Variants in TMEM108 observed in about 807,000 individuals in gnomAD.
TMEM108 encodes cancer/testis antigen 124.
TMEM108 carries 12 observed loss-of-function variants against 35.1 expected under a neutral mutation model. That is an observed-to-expected ratio of 0.34 (90% CI 0.22 to 0.55). TMEM108 has a LOEUF of 0.55. Ranked by LOEUF, TMEM108 falls within the 20% of genes least tolerant of loss-of-function variation. The pLI is 0.89. For missense variants in TMEM108, 680 were observed against 753.3 expected (o/e 0.90, Z 1.14); for synonymous variants, 287 against 308.6 (o/e 0.93, Z 0.73).
At chr3:133,156,056 A>G (rs34499063) in intron 2 of TMEM108, among the ~76,000 whole-genome samples, 1,607 of 139,694 alleles carry the variant, frequency 0.012, 7 homozygotes, top group Non-Finnish European at 0.019. Flanking sequence ...TCTTGTTTTT[A>G]TTTTTTCTTT....
intron 2 of TMEM108, among the ~76,000 whole-genome samples, chr3:133,189,592 A>G (rs943520322): frequency 6.6e-6 from 1 of 152,204 alleles, no homozygotes; most frequent in Admixed American, 6.5e-5. Context: ...TTCAGCTTGA[A>G]TAATAATGGA....
chr3:133,174,839 G>A (rs1036183379), intron 2 of TMEM108, among the ~76,000 whole-genome samples: 6 of 152,192 alleles, frequency 3.9e-5, no homozygotes, highest in African/African-American at 1.4e-4. Flanking sequence ...TGACTTTGAT[G>A]AGTTGAGAGA....
intron 3 of TMEM108, among the ~76,000 whole-genome samples, chr3:133,251,628 T>C (rs573974152): frequency 3.3e-4 from 50 of 152,120 alleles, no homozygotes; most frequent in Non-Finnish European, 6.5e-4. Flanking sequence ...AAGGTTATCA[T>C]AGAAAGGGAA....
intron 1 of TMEM108, among the ~76,000 whole-genome samples, chr3:133,044,811 G>C (rs1265776727): frequency 6.6e-6 from 1 of 152,116 alleles, no homozygotes; most frequent in Non-Finnish European, 1.5e-5. Flanking sequence ...GAAAAAATTA[G>C]CTGGGCCTGG....
intron 2 of TMEM108, among the ~76,000 whole-genome samples, chr3:133,220,639 G>T (rs894883550): frequency 6.6e-6 from 1 of 152,034 alleles, no homozygotes; most frequent in Admixed American, 6.5e-5. Context: ...CACCAAATGT[G>T]TGAGGGTATT....
intron 2 of TMEM108, among the ~76,000 whole-genome samples, chr3:133,111,900 A>G (rs537687236): frequency 7.2e-5 from 11 of 152,240 alleles, no homozygotes; most frequent in African/African-American, 2.4e-4. Context: ...AACTTTCTAT[A>G]AAGGAGATCA....
chr3:133,125,503 C>T (rs1211220609), intron 2 of TMEM108, among the ~76,000 whole-genome samples: 1 of 152,144 alleles, frequency 6.6e-6, no homozygotes, highest in Non-Finnish European at 1.5e-5. Flanking sequence ...GGTGATATAG[C>T]TATCCCCTTA....
At chr3:133,337,749 C>T (rs184608116) in intron 3 of TMEM108, among the ~76,000 whole-genome samples, 1 of 152,220 alleles carries the variant, frequency 6.6e-6, no homozygotes, top group East Asian at 1.9e-4. Context: ...AAATGTGTGA[C>T]ATTTCAGACA....
chr3:133,381,383 A>G (rs569093734), intron 4 of TMEM108, among the ~76,000 whole-genome samples: 69 of 152,306 alleles, frequency 4.5e-4, no homozygotes, highest in African/African-American at 1.6e-3. Context: ...AACTCCCAGG[A>G]GCTGGGGGAG....
At chr3:133,241,748 G>T (rs11708546) in intron 3 of TMEM108, among the ~76,000 whole-genome samples, 1 of 151,274 alleles carries the variant, frequency 6.6e-6, no homozygotes, top group Admixed American at 6.6e-5. Flanking sequence ...CCAAGTAGCT[G>T]GGATTACAGG....
At chr3:133,043,188 G>A (rs922244862) in intron 1 of TMEM108, among the ~76,000 whole-genome samples, 13 of 152,180 alleles carry the variant, frequency 8.5e-5, no homozygotes, top group African/African-American at 1.2e-4. Flanking sequence ...CTGGATAGGA[G>A]AATCTTTCAT....
chr3:133,287,692 G>A (rs892161527), intron 3 of TMEM108, among the ~76,000 whole-genome samples: 2 of 152,136 alleles, frequency 1.3e-5, no homozygotes, highest in Non-Finnish European at 2.9e-5. Flanking sequence ...AAAACAAATA[G>A]ATGTTTGCTA....
chr3:133,204,495 A>G (rs376491115), intron 2 of TMEM108, among the ~76,000 whole-genome samples: 4 of 152,022 alleles, frequency 2.6e-5, no homozygotes, highest in African/African-American at 7.2e-5. Flanking sequence ...ATTCGGGTAC[A>G]TTGTGTCTTT....
chr3:133,042,646 C>T (rs1943288901), intron 1 of TMEM108, among the ~76,000 whole-genome samples: 1 of 152,180 alleles, frequency 6.6e-6, no homozygotes, highest in African/African-American at 2.4e-5. Context: ...AGTGGTTGTG[C>T]ATTACCTTAG....
intron 5 of TMEM108, among the ~76,000 whole-genome samples, chr3:133,392,483 T>G (rs961589069): frequency 5.3e-5 from 8 of 152,152 alleles, no homozygotes; most frequent in African/African-American, 1.9e-4. Flanking sequence ...TCTTTCTACT[T>G]AGTCCCATGA....
chr3:133,241,829 G>C (rs1191925999), intron 3 of TMEM108, among the ~76,000 whole-genome samples: 3 of 151,892 alleles, frequency 2.0e-5, no homozygotes, highest in African/African-American at 7.3e-5. Context: ...GGCCAAGCTG[G>C]TCTCAAACTC....
At chr3:133,379,212 C>T (rs2072929998) in intron 3 of TMEM108, among the ~76,000 whole-genome samples, 1 of 152,206 alleles carries the variant, frequency 6.6e-6, no homozygotes, top group African/African-American at 2.4e-5. Flanking sequence ...GGACAGAGGT[C>T]TGTTTGCTTG....
intron 5 of TMEM108, among the ~76,000 whole-genome samples, chr3:133,391,157 G>C (rs1241325739): frequency 6.6e-6 from 1 of 152,218 alleles, no homozygotes; most frequent in Non-Finnish European, 1.5e-5. Context: ...GGGTGACCCA[G>C]TTTTAGAAGG....
At chr3:133,239,837 G>A (rs1310678102) in intron 3 of TMEM108, among the ~76,000 whole-genome samples, 1 of 152,194 alleles carries the variant, frequency 6.6e-6, no homozygotes, top group Non-Finnish European at 1.5e-5. Flanking sequence ...ACCAGGATCA[G>A]TTAGGAAGGA....
Sources: allele counts gnomAD v4.1 joint callset (sites outside exome capture counted in the v4.1 genomes callset), GRCh38; gene constraint gnomAD v4.1.1; transcripts MANE v1.5; gene names NCBI Gene and HGNC (gene_info 2026-07-23, HGNC 2026-07-21).